The following RYR1 variants were observed in gnomAD, a reference collection of about 807,000 sequenced individuals.
RYR1 encodes the protein central core disease of muscle.
In RYR1, 342 loss-of-function variants were observed where a neutral mutation model predicts 583.5. That is an observed-to-expected ratio of 0.59 (90% confidence interval 0.54 to 0.64). The LOEUF is 0.64. RYR1 is among the 30% of genes least tolerant of loss of function. The pLI, the probability that RYR1 is intolerant of heterozygous loss-of-function variation, is 0.00. For missense variants in RYR1, 6,032 were observed against 6,917.2 expected, an observed-to-expected ratio of 0.87 and a Z score of 4.54; for synonymous variants, 2,791 against 2,822.5, an observed-to-expected ratio of 0.99 and a Z score of 0.35.
At chr19:38,538,052 C>A in intron 84 of RYR1, 92 bp downstream of exon 84, 1 of 1,195,350 alleles carries the variant, frequency 8.4e-7, no homozygotes, top group South Asian at 1.2e-5. Context: ...CTCCTCCTCC[C>A]CCGGTCAATG....
chr19:38,561,145 A>G lies in RYR1; in HGVS notation c.12315A>G (p.Pro4105=). The G allele has an allele frequency of 6.2e-7, 1 of 1,614,124 alleles. No homozygotes were observed. Among genetic ancestry groups the G allele is most frequent in the Non-Finnish European group, 8.5e-7 (1 of 1,180,026 alleles). ...ACAGCCAGAAGCAGTTCAGCGGTCCAGAAATCCAGTTCCTGCTTTCGTGCT... is the reference window on the plus strand; with the variant it reads ...ACAGCCAGAAGCAGTTCAGCGGTCCGGAAATCCAGTTCCTGCTTTCGTGCT... ...AMDSQKQFSG[P]EIQFLLSCSE... Residue 4105 remains proline, a synonymous_variant, in exon 90 of 106, where the codon CCA becomes CCG. Transcript: ENST00000359596. This position sits in a 1 kb window ranked among gnomAD's most constrained non-coding sequence, Gnocchi z 4.8.
rs1292970102 is a variant in RYR1 at position 38,560,749 on chromosome 19, A to AG, written c.12283-364_12283-363insG. Among the ~76,000 whole-genome samples, 8 of 149,460 alleles carry AG rather than the reference A, an allele frequency of 5.4e-5. No individual in the cohort carries two copies. The East Asian group carries it at 9.8e-4, about 18-fold the overall frequency. ...CGTCTCAAAAAAAAAAAAAAAAAAA[A>AG]AGAGAAAGAAAAAGAAAAAAAAGCA... is the stretch of plus-strand genomic sequence containing the variant. On this transcript the variant is annotated intron_variant, in intron 89 of 105. Transcript: ENST00000359596.
rs1972958925 is a variant in RYR1 at position 38,446,702 on chromosome 19, A to C, written c.734A>C (p.Tyr245Ser). 6.2e-7 allele frequency: 1 copy of C among 1,613,848 alleles called. No homozygotes were observed. Among genetic ancestry groups the C allele is most frequent in the South Asian group, 1.1e-5 (1 of 91,086 alleles). ...CTCTTCTGTGTCCCCAGACTTGTCT[A>C]CTATGAGGGGGGAGCTGTGTGCACT... ...ADSDDQRRLV[Y>S]YEGGAVCTHA... Residue 245 changes from tyrosine to serine, a missense_variant, in exon 9 of 106, where the codon TAC (tyrosine) becomes TCC (serine). Around this residue, in one of 11 missense-constraint regions of RYR1, gnomAD observed 338 missense variants for 441.6 expected, o/e 0.77. Coordinates refer to ENST00000359596, the MANE Select transcript of RYR1 (RefSeq NM_000540.3).
In RYR1 at chr19:38,570,637, C is replaced by A. The variant is rs753208767; in HGVS notation, c.13690C>A (p.Arg4564=). 6 of 1,613,760 alleles carry A rather than the reference C, an allele frequency of 3.7e-6. No individual in the cohort carries two copies. Among genetic ancestry groups the A allele is most frequent in the South Asian group, 3.3e-5 (3 of 91,074 alleles). ...CCTGTCCCGGAACTTTTACACCCTG[C>A]GGTTCCTTGCCCTCTTCTTGGCATT... The part of the protein sequence containing the change: ...NYLSRNFYTL[R]FLALFLAFAI... The change falls in exon 94 of 106, where the codon CGG becomes AGG. Residue 4564 remains arginine (R), a synonymous_variant. Coordinates refer to ENST00000359596, the MANE Select transcript of RYR1 (RefSeq NM_000540.3).
chr19:38,558,912 G>A (rs1195235815), intron 89 of RYR1, among the ~76,000 whole-genome samples: 11 of 152,176 alleles, frequency 7.2e-5, no homozygotes, highest in South Asian at 2.1e-4. Flanking sequence ...CCAACATGGC[G>A]AAACCCTGTC....
intron 36 of RYR1, 63 bp downstream of exon 36, chr19:38,490,339 C>T: frequency 1.3e-6 from 2 of 1,483,556 alleles, no homozygotes; most frequent in South Asian, 1.2e-5. Flanking sequence ...CATCTCCTGA[C>T]TCTGATCACT....
chr19:38,505,338 CAT>C lies in RYR1; in HGVS notation c.8342_8343del (p.Ile2781ArgfsTer49), dbSNP rs758580075. On this transcript the variant is annotated frameshift_variant, in exon 53 of 106. Coordinates refer to ENST00000359596, the MANE Select transcript of RYR1 (RefSeq NM_000540.3). LOFTEE classifies it high-confidence loss of function. Reference protein sequence around the residue: ...IQNNWSYGENIDEELKTHPML... With the variant: ...IQNNWSYGENXDEELKTHPML... ...AGAACAACTGGTCCTATGGAGAGAACATAGACGAGGAGCTGAAGACCCACCCC... is the reference window on the plus strand; with the variant it reads ...AGAACAACTGGTCCTATGGAGAGAACAGACGAGGAGCTGAAGACCCACCCC... The C allele has an allele frequency of 1.1e-5, 17 of 1,612,278 alleles. No individual in the cohort carries two copies. The African/African-American group carries it at 2.0e-4, about 19-fold the overall frequency.
Position 38,525,454 on chromosome 19 carries a change from G to A in RYR1, c.10578G>A (p.Ala3526=), listed in dbSNP as rs368360689. 2.4e-4 allele frequency: 389 copies of A among 1,613,930 alleles called. 4 individuals carry two copies. In the Middle Eastern group the frequency reaches 3.3e-3, roughly 14 times the overall value. ...TGCCCATCGGCCTGAATATGTGTGCGCCCACCGACCAAGACCTCATCACGC... is the reference window on the plus strand; with the variant it reads ...TGCCCATCGGCCTGAATATGTGTGCACCCACCGACCAAGACCTCATCACGC... ...KMLPIGLNMC[A]PTDQDLITLA... Residue 3526 remains alanine (A), a synonymous_variant, in exon 71 of 106, where the codon GCG becomes GCA. Transcript: ENST00000359596.
chr19:38,459,215 G>A lies in RYR1; in HGVS notation c.2237G>A (p.Cys746Tyr). Residue 746 changes from cysteine to tyrosine, a missense_variant, in exon 19 of 106, where the codon TGC becomes TAC. By Grantham distance (194) the Cys-to-Tyr change is radical. Coordinates refer to ENST00000359596, the MANE Select transcript of RYR1 (RefSeq NM_000540.3). ...LLAPEDVISCCLDLSVPSISF... is the reference protein window; with the variant it reads ...LLAPEDVISCYLDLSVPSISF... ...GCCCCTGAAGACGTGATCAGCTGCT[G>A]CCTGGACCTCAGCGTGCCGTCCATC... The A allele has an allele frequency of 6.2e-7, 1 of 1,614,182 alleles. No individual in the cohort carries two copies. Among genetic ancestry groups the A allele is most frequent in the Non-Finnish European group, 8.5e-7 (1 of 1,180,032 alleles).
At chr19:38,533,940 A>G (rs962158284) in intron 78 of RYR1, among the ~76,000 whole-genome samples, 2 of 152,148 alleles carry the variant, frequency 1.3e-5, no homozygotes, top group Non-Finnish European at 2.9e-5. Context: ...AAATGGTTCT[A>G]ATTCTGCAAC....
At chr19:38,526,503 C>A (rs550496800) in intron 71 of RYR1, among the ~76,000 whole-genome samples, 2 of 152,128 alleles carry the variant, frequency 1.3e-5, no homozygotes, top group East Asian at 3.9e-4. Flanking sequence ...CTCCAGGGCT[C>A]CATGGACCCC....
chr19:38,499,326 G>A lies in RYR1; in HGVS notation c.7027+83G>A. The A allele has an allele frequency of 6.2e-7, 1 of 1,602,694 alleles. No homozygotes were observed. Among genetic ancestry groups the A allele is most frequent in the Non-Finnish European group, 8.5e-7 (1 of 1,170,966 alleles). On this transcript the variant is annotated intron_variant, in intron 43 of 105. Transcript: ENST00000359596. The surrounding 1 kb of genome is among the most constrained non-coding windows in gnomAD (Gnocchi z 7.3). ...CCCTCGAGATGACTGCTCGCACCCT[G>A]AGCCACAGATGGGGTCCAGGCAGGA...
chr19:38,510,834 C>A, intron 60 of RYR1, 53 bp downstream of exon 60: 2 of 1,611,990 alleles, frequency 1.2e-6, no homozygotes, highest in South Asian at 2.2e-5. Flanking sequence ...GGATTGTAAT[C>A]CTTTGCCCAT....
chr19:38,458,299 G>A lies in RYR1; in HGVS notation c.2167+7G>A. On this transcript the variant is annotated splice_region_variant and intron_variant, in intron 18 of 105. Transcript: ENST00000359596. Reference sequence around the variant, plus strand: ...GGACTGCATCTCTGGACAGGTACCTGACCCCTTCCAGGGGACCCTCACCCC... The same window carrying A: ...GGACTGCATCTCTGGACAGGTACCTAACCCCTTCCAGGGGACCCTCACCCC... 2 of 1,613,448 alleles carry A rather than the reference G, an allele frequency of 1.2e-6. No homozygotes were observed. The highest frequency in any genetic ancestry group is 2.2e-5 in the South Asian group (2 of 91,060).
intron 96 of RYR1, among the ~76,000 whole-genome samples, chr19:38,575,091 A>C (rs1471687550): frequency 6.6e-6 from 1 of 152,100 alleles, no homozygotes; most frequent in South Asian, 2.1e-4. Context: ...TTAGGGCATC[A>C]ATTTGTCACT....
chr19:38,546,420 G>A, intron 87 of RYR1, 25 bp from the exon 88 acceptor site: 1 of 1,607,868 alleles, frequency 6.2e-7, no homozygotes, highest in Non-Finnish European at 8.5e-7. Flanking sequence ...GCTGAGACCA[G>A]CCCTCACCGA....
intron 92 of RYR1, 79 bp downstream of exon 92, chr19:38,567,066 C>T: frequency 6.5e-7 from 1 of 1,543,838 alleles, no homozygotes; most frequent in Non-Finnish European, 8.7e-7. Context: ...AGGTCAGGCC[C>T]CAAGGCTGTC....
At position 38,444,084 on chromosome 19, in the gene RYR1, C is replaced by T; in HGVS notation, c.425-65C>T. 1 of 1,388,564 alleles carries T rather than the reference C, an allele frequency of 7.2e-7. No homozygotes were observed. The highest frequency in any genetic ancestry group is 1.0e-6 in the Non-Finnish European group (1 of 975,266). The allele number at this position is 1,388,564 out of a possible 1,614,324, so 86.0% of individuals were successfully genotyped here. A position where few individuals can be genotyped will look rare whatever the true frequency, so the allele number is the denominator to read the frequency against. ...CCGGGAGGCCTGGTGGAGGGAGAGC[C>T]CTGGGGAAGAGCATTCTGGGAAGCC... On this transcript the variant is annotated intron_variant, in intron 5 of 105. Transcript: ENST00000359596. The surrounding 1 kb of genome is among the most constrained non-coding windows in gnomAD (Gnocchi z 5.1).
intron 72 of RYR1, 88 bp from the exon 73 acceptor site, chr19:38,527,559 T>G (rs1407032128): frequency 9.0e-6 from 14 of 1,553,704 alleles, no homozygotes; most frequent in African/African-American, 1.4e-5. Context: ...ACTCACCCAT[T>G]GAGTCCTCCC....
Sources: allele counts gnomAD v4.1 joint callset (sites outside exome capture counted in the v4.1 genomes callset), GRCh38; gene constraint gnomAD v4.1.1; regional missense constraint gnomAD v4.1.1; non-coding constraint Gnocchi (gnomAD v3.1); transcripts MANE v1.5; gene names NCBI Gene and HGNC (gene_info 2026-07-23, HGNC 2026-07-21).